ABCC3: variants seen among roughly 807,000 people sequenced by gnomAD.
ABCC3 encodes the protein ATP binding cassette subfamily C member 3.
In ABCC3, 121 loss-of-function variants were observed where a neutral mutation model predicts 165.3. That is an observed-to-expected ratio of 0.73 (90% CI 0.63 to 0.85). The LOEUF (loss-of-function observed/expected upper bound fraction) is 0.85. Among genes scored for constraint, ABCC3 ranks in the 40% least tolerant of loss-of-function variants. The pLI is 0.00. For missense variants in ABCC3, 1,869 were observed against 1,964.1 expected, an observed-to-expected ratio of 0.95 and a Z score of 0.92; for synonymous variants, 733 against 810.1, an observed-to-expected ratio of 0.90 and a Z score of 1.62.
rs34620384 is a variant in ABCC3, at chr17:50,677,861, C to G, written c.3496C>G (p.Arg1166Gly). The part of the protein sequence containing the change: ...TGASVIRAYN[R>G]SRDFEIISDT... The stretch of plus-strand genomic sequence containing the variant: ...TGCCAGTGTCATCCGGGCCTACAAC[C>G]GCAGCCGGGATTTTGAGATCATCAG... Residue 1166 changes from arginine (R) to glycine (G), a missense_variant, in exon 24 of 31, where the codon CGC becomes GGC. Arg to Gly is a moderately radical substitution (Grantham distance 125). Coordinates refer to ENST00000285238, the MANE Select transcript of ABCC3 (RefSeq NM_003786.4). 2.5e-6 allele frequency: 4 copies of G among 1,614,154 alleles called. No homozygotes were observed. The South Asian group carries it at 4.4e-5, about 18-fold the overall frequency.
At chr17:50,645,843 T>C (rs1442010325) in intron 1 of ABCC3, among the ~76,000 whole-genome samples, 3 of 152,210 alleles carry the variant, frequency 2.0e-5, no homozygotes, top group Admixed American at 1.3e-4. Flanking sequence ...CAAGTGATGC[T>C]CCTGCCTTGG....
At position 50,661,002 on chromosome 17, in the gene ABCC3, A is replaced by G. The variant is rs1371298810; in HGVS notation, c.886A>G (p.Lys296Glu). The G allele has an allele frequency of 8.7e-6, 14 of 1,614,064 alleles. No homozygotes were observed. The highest frequency in any genetic ancestry group is 1.1e-5 in the Non-Finnish European group (13 of 1,179,982). ...VLLGARPRPR[K>E]PSFLKALLAT... ...GCTGGGTGCCCGGCCCAGGCCCCGGAAGCCCTCCTTCCTGAAGGCCCTGCT... is the reference window on the plus strand; with the variant it reads ...GCTGGGTGCCCGGCCCAGGCCCCGGGAGCCCTCCTTCCTGAAGGCCCTGCT... The change falls in exon 8 of 31, where the codon AAG (lysine) becomes GAG (glutamate). Residue 296 changes from lysine to glutamate, a missense_variant. Physicochemically the swap from Lys to Glu is moderately conservative, Grantham distance 56. Transcript: ENST00000285238.
At chr17:50,644,309 T>TCAAAA (rs1966955207) in intron 1 of ABCC3, among the ~76,000 whole-genome samples, 1 of 10,962 alleles carries the variant, frequency 9.1e-5, no homozygotes, top group Non-Finnish European at 2.3e-4. Context: ...AGACTCCGTC[T>TCAAAA]CAAAAAAAAA....
intron 25 of ABCC3, 74 bp downstream of exon 25, chr17:50,678,293 G>T (rs1411419785): frequency 6.8e-7 from 1 of 1,467,178 alleles, no homozygotes; most frequent in Non-Finnish European, 9.0e-7. Context: ...GGCATCTCCC[G>T]AGTGCCCCTC....
At chr17:50,641,337 C>G (rs2054230511) in intron 1 of ABCC3, among the ~76,000 whole-genome samples, 1 of 152,214 alleles carries the variant, frequency 6.6e-6, no homozygotes, top group South Asian at 2.1e-4. Flanking sequence ...CCCAGCAGTG[C>G]TCTTCAGAGC....
chr17:50,677,505 A>T (rs919865690), intron 23 of ABCC3, among the ~76,000 whole-genome samples: 1 of 152,116 alleles, frequency 6.6e-6, no homozygotes, highest in African/African-American at 2.4e-5. Context: ...AGAGGATGGA[A>T]ACTGGAGGCA....
intron 1 of ABCC3, among the ~76,000 whole-genome samples, chr17:50,641,618 A>G (rs1490708707): frequency 1.3e-5 from 2 of 152,156 alleles, no homozygotes; most frequent in Non-Finnish European, 2.9e-5. Context: ...CTTTTGTTCA[A>G]TAGATGGTTA....
intron 1 of ABCC3, among the ~76,000 whole-genome samples, chr17:50,647,817 G>C (rs1420258850): frequency 6.6e-6 from 1 of 152,160 alleles, no homozygotes; most frequent in Non-Finnish European, 1.5e-5. Flanking sequence ...GCGGGTGGAT[G>C]ACCTGAGGTC....
chr17:50,684,501 C>T (rs1301394535), intron 28 of ABCC3, among the ~76,000 whole-genome samples: 1 of 152,180 alleles, frequency 6.6e-6, no homozygotes, highest in Non-Finnish European at 1.5e-5. Context: ...GTTCCTGCTT[C>T]AACAGAGGTC....
rs532140025 is a variant in ABCC3 at position 50,687,537 on chromosome 17, G to A, written c.4282G>A (p.Val1428Met). The A allele has an allele frequency of 1.7e-4, 279 of 1,612,798 alleles. 1 individual carries two copies. The highest frequency in any genetic ancestry group is 1.7e-3 in the South Asian group (157 of 91,068). ...QCSEGGENLS[V>M]GQRQLVCLAR... The stretch of plus-strand genomic sequence containing the variant: ...AATGCCTGCCTTCTCCACTCCCAGC[G>A]TGGGCCAGAGGCAGCTCGTGTGCCT... Residue 1428 changes from valine (V) to methionine (M), a missense_variant and splice_region_variant, in exon 30 of 31, where the codon GTG becomes ATG. Transcript: ENST00000285238.
At chr17:50,666,608 T>C (rs916588622) in intron 11 of ABCC3, among the ~76,000 whole-genome samples, 3 of 152,262 alleles carry the variant, frequency 2.0e-5, no homozygotes, top group Non-Finnish European at 4.4e-5. Context: ...TGATTAATAA[T>C]TAAGCATTTA....
At chr17:50,672,175 C>T (rs1246306632) in intron 17 of ABCC3, among the ~76,000 whole-genome samples, 3 of 152,178 alleles carry the variant, frequency 2.0e-5, no homozygotes, top group East Asian at 3.9e-4. Context: ...CTCAATCCTG[C>T]CACACTGGGG....
At chr17:50,674,011 TC>T (rs1967738632) in intron 19 of ABCC3, among the ~76,000 whole-genome samples, 1 of 28,816 alleles carries the variant, frequency 3.5e-5, no homozygotes. Flanking sequence ...TCTCTCTCTC[TC>T]TCTCTCTCTC....
At chr17:50,688,152 C>T (rs1221982727) in intron 30 of ABCC3, among the ~76,000 whole-genome samples, 1 of 152,058 alleles carries the variant, frequency 6.6e-6, no homozygotes, top group Non-Finnish European at 1.5e-5. Context: ...TCAAGTGATC[C>T]ACCTGTCTCG....
At chr17:50,635,131 C>G in intron 1 of ABCC3, 150 bp downstream of exon 1, 2 of 883,004 alleles carry the variant, frequency 2.3e-6, no homozygotes, top group South Asian at 6.6e-5. Flanking sequence ...GCGATGGGCT[C>G]GGGAGGGAGG....
intron 1 of ABCC3, among the ~76,000 whole-genome samples, chr17:50,642,806 G>A (rs1966916936): frequency 1.3e-5 from 2 of 152,196 alleles, no homozygotes. Context: ...TTCCCACCAT[G>A]TCCCCACGCC....
chr17:50,669,320 C>T (rs2066763), intron 16 of ABCC3, 32 bp from the exon 17 acceptor site: 1 of 1,614,056 alleles, frequency 6.2e-7, no homozygotes, highest in African/African-American at 1.3e-5. Context: ...AGGCCTTGGG[C>T]AAGCCCCGAG....
At chr17:50,672,023 C>T (rs527401802) in intron 17 of ABCC3, among the ~76,000 whole-genome samples, 2 of 152,090 alleles carry the variant, frequency 1.3e-5, no homozygotes, top group East Asian at 3.9e-4. Flanking sequence ...CGCGCGACCT[C>T]AGGTTTCTCT....
At chr17:50,661,394 T>C (rs1190642951) in intron 8 of ABCC3, among the ~76,000 whole-genome samples, 1 of 152,202 alleles carries the variant, frequency 6.6e-6, no homozygotes, top group Admixed American at 6.5e-5. Context: ...CTATGCGGAA[T>C]TGCCCCATTC....
Sources: gnomAD v4.1 joint callset for allele counts (sites outside exome capture counted in the v4.1 genomes callset) on GRCh38, gnomAD v4.1.1 for gene constraint, MANE v1.5 for transcripts, NCBI Gene and HGNC (gene_info 2026-07-23, HGNC 2026-07-21) for gene names.